KATNA1: variants seen among roughly 807,000 people sequenced by gnomAD.
The protein encoded by KATNA1 is katanin catalytic subunit A1, also known as katanin p60 ATPase-containing subunit A1.
Under a neutral mutation model 62.6 loss-of-function variants are expected in KATNA1, and 42 were observed. That is an observed-to-expected ratio of 0.67 (90% CI 0.52 to 0.87). The LOEUF is 0.87. Ranked by LOEUF, KATNA1 falls within the 40% of genes least tolerant of loss-of-function variation. KATNA1 has a pLI of 0.00. For missense variants in KATNA1, 498 were observed against 612.5 expected, an observed-to-expected ratio of 0.81 and a Z score of 1.97; for synonymous variants, 186 against 201.9, an observed-to-expected ratio of 0.92 and a Z score of 0.67.
chr6:149,604,689 T>C lies in KATNA1; in HGVS notation c.595A>G (p.Ile199Val), dbSNP rs1484527024. The C allele has an allele frequency of 1.2e-6, 2 of 1,613,392 alleles. No individual in the cohort carries two copies. The highest frequency in any genetic ancestry group is 2.2e-5 in the East Asian group (1 of 44,894). Reference sequence around the variant, plus strand: ...CGAACATTGGGATTCTGGGAAATTATATCTCTTTCCAAAGCTTCTACTAAG... The same window carrying C: ...CGAACATTGGGATTCTGGGAAATTACATCTCTTTCCAAAGCTTCTACTAAG... The part of the protein sequence containing the change: ...KDLVEALERD[I>V]ISQNPNVRWD... Residue 199 changes from isoleucine (I) to valine (V), a missense_variant, in exon 5 of 11, where the codon ATA becomes GTA. Physicochemically the swap from Ile to Val is conservative, Grantham distance 29. Transcript: ENST00000367411.
chr6:149,610,823 C>A (rs1778920909), intron 4 of KATNA1, among the ~76,000 whole-genome samples: 1 of 152,186 alleles, frequency 6.6e-6, no homozygotes, highest in Non-Finnish European at 1.5e-5. Flanking sequence ...CCACTGCACT[C>A]CAGCCTGGGC....
chr6:149,638,140 TA>T (rs1780139795), intron 2 of KATNA1, among the ~76,000 whole-genome samples: 1 of 152,108 alleles, frequency 6.6e-6, no homozygotes, highest in Non-Finnish European at 1.5e-5. Flanking sequence ...CACATCTGGC[TA>T]ATTTTTTTAT....
intron 2 of KATNA1, among the ~76,000 whole-genome samples, chr6:149,636,546 A>C (rs554786827): frequency 2.6e-5 from 4 of 152,344 alleles, no homozygotes; most frequent in South Asian, 2.1e-4. Flanking sequence ...TCTCTCAAAA[A>C]AATTAAGGAC....
intron 1 of KATNA1, among the ~76,000 whole-genome samples, chr6:149,639,328 C>T (rs977468832): frequency 1.3e-5 from 2 of 151,486 alleles, no homozygotes; most frequent in African/African-American, 2.4e-5. Flanking sequence ...AGGCCCGGTG[C>T]GGTGGCTCAC....
intron 1 of KATNA1, among the ~76,000 whole-genome samples, 170 bp downstream of exon 1, chr6:149,648,299 C>T (rs915752752): frequency 6.6e-6 from 1 of 152,190 alleles, no homozygotes; most frequent in Admixed American, 6.5e-5. Context: ...GGACTGTCAC[C>T]TAAGCCAAGT....
intron 4 of KATNA1, among the ~76,000 whole-genome samples, chr6:149,622,335 T>C (rs551786657): frequency 2.6e-5 from 4 of 152,138 alleles, no homozygotes; most frequent in African/African-American, 9.6e-5. Flanking sequence ...TAGCCAATAA[T>C]TGTGTTGTTT....
chr6:149,622,170 T>C (rs911431771), intron 4 of KATNA1, among the ~76,000 whole-genome samples: 1 of 151,572 alleles, frequency 6.6e-6, no homozygotes, highest in Non-Finnish European at 1.5e-5. Flanking sequence ...TCTCGCTCTG[T>C]CGCCCAGGCT....
At chr6:149,595,262 A>C (rs755265531) in intron 10 of KATNA1, 28 bp from the exon 11 acceptor site, 48 of 1,574,914 alleles carry the variant, frequency 3.0e-5, no homozygotes, top group Middle Eastern at 3.4e-4. Context: ...AACAACAACA[A>C]CACACACAAT....
intron 2 of KATNA1, among the ~76,000 whole-genome samples, chr6:149,637,005 C>T (rs541905399): frequency 6.6e-6 from 1 of 152,162 alleles, no homozygotes; most frequent in South Asian, 2.1e-4. Flanking sequence ...AAATACCACC[C>T]TCCACTGGAC....
At chr6:149,607,170 A>G (rs898998417) in intron 4 of KATNA1, among the ~76,000 whole-genome samples, 1 of 152,220 alleles carries the variant, frequency 6.6e-6, no homozygotes, top group African/African-American at 2.4e-5. Context: ...TCGCAGACAA[A>G]GCAAAACAAA....
intron 1 of KATNA1, among the ~76,000 whole-genome samples, chr6:149,643,687 C>T (rs956781078): frequency 1.3e-5 from 2 of 151,202 alleles, no homozygotes; most frequent in African/African-American, 4.9e-5. Flanking sequence ...TAGTTGTTGT[C>T]CTTTTTTTTT....
intron 1 of KATNA1, 74 bp downstream of exon 1, chr6:149,648,395 G>GC (rs1780568914): frequency 6.6e-6 from 1 of 152,538 alleles, no homozygotes; most frequent in East Asian, 1.9e-4. Flanking sequence ...CTCGCTGTGG[G>GC]CCCCCCGAGT....
intron 3 of KATNA1, among the ~76,000 whole-genome samples, chr6:149,632,122 G>A (rs957384610): frequency 1.3e-5 from 2 of 152,038 alleles, no homozygotes; most frequent in South Asian, 4.1e-4. Flanking sequence ...GGCTGGGCAC[G>A]GTGGCTCAGG....
intron 4 of KATNA1, among the ~76,000 whole-genome samples, chr6:149,616,188 C>T (rs9404048): frequency 0.45 from 68,077 of 151,930 alleles, 16,319 homozygotes; most frequent in East Asian, 0.81. Context: ...ACAACTGCAC[C>T]GTACACTTAA....
At chr6:149,598,564 A>AATT (rs746334944) in intron 7 of KATNA1, among the ~76,000 whole-genome samples, 61 of 152,008 alleles carry the variant, frequency 4.0e-4, no homozygotes, top group Non-Finnish European at 3.2e-4. Context: ...CTCTACAGAA[A>AATT]ATTAAAATAT....
In KATNA1 at chr6:149,638,620, T is replaced by C. The variant is rs1780156684; in HGVS notation, c.-13-60A>G. ...TTTACATGTCTCTTAAAAATAAGTA[T>C]AGTTATTAAAAAATACTTTCCAGGG... On this transcript the variant is annotated intron_variant, in intron 1 of 10. Transcript: ENST00000367411. 4 of 1,230,348 alleles carry C rather than the reference T, an allele frequency of 3.3e-6. No homozygotes were observed. The Admixed American group carries it at 6.6e-5, about 20-fold the overall frequency. The allele number at this position is 1,230,348 out of a possible 1,614,324, so 76.2% of individuals were successfully genotyped here.
chr6:149,636,710 G>A (rs533128476), intron 2 of KATNA1, among the ~76,000 whole-genome samples: 1 of 151,208 alleles, frequency 6.6e-6, no homozygotes, highest in African/African-American at 2.4e-5. Flanking sequence ...GTGCGATCTC[G>A]GCTCACTGCA....
rs966792919 is a variant in KATNA1 at position 149,594,945 on chromosome 6, G to A, written c.*91C>T. 3 of 982,946 alleles carry A rather than the reference G, an allele frequency of 3.1e-6. No individual in the cohort carries two copies. The African/African-American group carries it at 5.0e-5, about 16-fold the overall frequency. The allele number at this position is 982,946 out of a possible 1,614,324, so 60.9% of individuals were successfully genotyped here. A position where few individuals can be genotyped will look rare whatever the true frequency, so the allele number is the denominator to read the frequency against. ...TTAAAAAAATCTTACCATTATGAAA[G>A]TTAAAAAAAATATAGCACTCAGTAC... On this transcript the variant is annotated 3_prime_UTR_variant, in exon 11 of 11. Coordinates refer to ENST00000367411, the MANE Select transcript of KATNA1 (RefSeq NM_007044.4).
At chr6:149,603,896 A>G (rs1487524673) in intron 5 of KATNA1, among the ~76,000 whole-genome samples, 4 of 152,226 alleles carry the variant, frequency 2.6e-5, no homozygotes, top group Non-Finnish European at 5.9e-5. Context: ...CTACTGCTAC[A>G]TGTGGCAATT....
Sources: allele counts gnomAD v4.1 joint callset (sites outside exome capture counted in the v4.1 genomes callset), GRCh38; gene constraint gnomAD v4.1.1; transcripts MANE v1.5; gene names NCBI Gene and HGNC (gene_info 2026-07-23, HGNC 2026-07-21).